CDH13: variants seen among roughly 807,000 people sequenced by gnomAD.
CDH13 encodes the protein cadherin 13, also known as cadherin-13.
Under a neutral mutation model 63.8 loss-of-function variants are expected in CDH13, and 24 were observed. That is an observed-to-expected ratio of 0.38 (90% CI 0.27 to 0.53). The LOEUF (loss-of-function observed/expected upper bound fraction) is 0.53, where lower values mean the gene tolerates loss of function less well. Ranked by LOEUF, CDH13 falls within the 20% of genes least tolerant of loss-of-function variation. The probability of loss-of-function intolerance (pLI) is 0.85; values close to 1 mark genes in which losing one functional copy is unlikely to be tolerated. For missense variants in CDH13, 1,049 were observed against 903.1 expected (o/e 1.16, Z -2.07); for synonymous variants, 503 against 355.3 (o/e 1.42, Z -4.67).
chr16:82,807,514 A>G (rs1320405348), intron 1 of CDH13, among the ~76,000 whole-genome samples: 1 of 152,114 alleles, frequency 6.6e-6, no homozygotes, highest in East Asian at 1.9e-4. Flanking sequence ...GTGGGAGAGA[A>G]CTTTACAAAA....
intron 3 of CDH13, among the ~76,000 whole-genome samples, chr16:83,060,819 A>T (rs962671580): frequency 3.3e-5 from 5 of 152,200 alleles, no homozygotes; most frequent in African/African-American, 9.6e-5. Flanking sequence ...CCTTGCTTTC[A>T]GCTGGGACAC....
chr16:83,169,206 C>T (rs1426687684), intron 4 of CDH13, among the ~76,000 whole-genome samples: 1 of 151,426 alleles, frequency 6.6e-6, no homozygotes, highest in Non-Finnish European at 1.5e-5. Context: ...GAGACGGCAT[C>T]TCACTTTGTC....
intron 4 of CDH13, among the ~76,000 whole-genome samples, chr16:83,216,655 ATT>A (rs1567514392): frequency 6.9e-6 from 1 of 145,066 alleles, no homozygotes; most frequent in African/African-American, 2.5e-5. Flanking sequence ...TATATATCAT[ATT>A]TAGGGGTTTC....
chr16:83,228,999 A>G lies in CDH13; in HGVS notation c.636+11502A>G, dbSNP rs146758638. ...TAGTGAATGGGATTAGTCCAAACTCATAGTGAAGATATTAAATATACCTTG... is the reference window on the plus strand; with the variant it reads ...TAGTGAATGGGATTAGTCCAAACTCGTAGTGAAGATATTAAATATACCTTG... On this transcript the variant is annotated intron_variant, in intron 5 of 13. Transcript: ENST00000567109. Among the ~76,000 whole-genome samples the G allele has an allele frequency of 1.7e-3, 259 of 152,244 alleles. 2 individuals are homozygous for G. The highest frequency in any genetic ancestry group is 6.1e-3 in the African/African-American group (252 of 41,536).
At chr16:82,827,079 C>T (rs987215816) in intron 1 of CDH13, among the ~76,000 whole-genome samples, 1 of 152,180 alleles carries the variant, frequency 6.6e-6, no homozygotes, top group Non-Finnish European at 1.5e-5. Flanking sequence ...ACACATTTGG[C>T]CCATATCTTA....
At chr16:83,576,476 A>G (rs1034204352) in intron 7 of CDH13, among the ~76,000 whole-genome samples, 3 of 152,190 alleles carry the variant, frequency 2.0e-5, no homozygotes, top group Non-Finnish European at 2.9e-5. Flanking sequence ...GTGTGCATAC[A>G]TGTATTTCTT....
intron 3 of CDH13, among the ~76,000 whole-genome samples, chr16:83,090,573 C>CAAA (rs372312398): frequency 0.037 from 4,810 of 129,784 alleles, 244 homozygotes; most frequent in African/African-American, 0.11. Context: ...AACTGCATCT[C>CAAA]AAAAAAAAAA....
chr16:82,872,214 GT>G (rs1214161619), intron 2 of CDH13, among the ~76,000 whole-genome samples: 2 of 152,214 alleles, frequency 1.3e-5, no homozygotes, highest in African/African-American at 4.8e-5. Flanking sequence ...AAATGGAAAT[GT>G]TTTTTAGGTG....
At chr16:83,059,489 C>A (rs550466793) in intron 3 of CDH13, among the ~76,000 whole-genome samples, 4 of 152,108 alleles carry the variant, frequency 2.6e-5, no homozygotes, top group Non-Finnish European at 5.9e-5. Context: ...GAGGTGACTG[C>A]AAGGATGTAA....
At chr16:82,715,380 C>A (rs1454845069) in intron 1 of CDH13, among the ~76,000 whole-genome samples, 1 of 152,040 alleles carries the variant, frequency 6.6e-6, no homozygotes, top group Non-Finnish European at 1.5e-5. Context: ...CAAAGGCGGC[C>A]CCGCCCCATG....
intron 8 of CDH13, among the ~76,000 whole-genome samples, chr16:83,621,560 C>T (rs1909820325): frequency 1.5e-5 from 2 of 130,860 alleles, no homozygotes; most frequent in Non-Finnish European, 3.1e-5. Context: ...GATCTCGGCT[C>T]ACCGCAAACT....
chr16:83,374,817 A>G (rs942102930), intron 6 of CDH13, among the ~76,000 whole-genome samples: 1 of 152,154 alleles, frequency 6.6e-6, no homozygotes, highest in African/African-American at 2.4e-5. Context: ...GACTCCAACC[A>G]CTGGTATGAA....
At chr16:83,676,678 A>G (rs577467098) in intron 9 of CDH13, among the ~76,000 whole-genome samples, 28 of 152,338 alleles carry the variant, frequency 1.8e-4, no homozygotes, top group South Asian at 4.1e-4. Flanking sequence ...AAATCCTATT[A>G]CTGACCCTGC....
At chr16:83,436,151 T>C (rs906815978) in intron 6 of CDH13, among the ~76,000 whole-genome samples, 3 of 152,184 alleles carry the variant, frequency 2.0e-5, no homozygotes, top group African/African-American at 7.2e-5. Flanking sequence ...AAGGTGGAGA[T>C]GCCCTGCTCT....
chr16:83,090,470 A>G (rs1285503819), intron 3 of CDH13, among the ~76,000 whole-genome samples: 1 of 151,196 alleles, frequency 6.6e-6, no homozygotes, highest in Admixed American at 6.6e-5. Context: ...GCCACTTGGG[A>G]GGCTGAGGCG....
intron 4 of CDH13, among the ~76,000 whole-genome samples, chr16:83,215,322 G>A (rs545918670): frequency 1.3e-5 from 2 of 151,556 alleles, no homozygotes; most frequent in Admixed American, 6.6e-5. Flanking sequence ...CAAGTGATCC[G>A]CCCACCTTGG....
intron 1 of CDH13, among the ~76,000 whole-genome samples, chr16:82,684,839 C>G (rs1172977571): frequency 6.6e-6 from 1 of 152,210 alleles, no homozygotes; most frequent in East Asian, 1.9e-4. Context: ...TTCTTAAGGC[C>G]ACAGCCTCCT....
intron 7 of CDH13, among the ~76,000 whole-genome samples, chr16:83,555,104 C>G (rs2075577405): frequency 6.6e-6 from 1 of 152,234 alleles, no homozygotes; most frequent in Admixed American, 6.5e-5. Context: ...ATGTTGTATA[C>G]AGAGAGAGCG....
chr16:83,000,650 C>T (rs1444329936), intron 2 of CDH13, among the ~76,000 whole-genome samples: 2 of 145,050 alleles, frequency 1.4e-5, no homozygotes, highest in African/African-American at 2.6e-5. Context: ...AGTGCAGTGG[C>T]GCAACTGCAA....
Sources: allele counts gnomAD v4.1 joint callset (sites outside exome capture counted in the v4.1 genomes callset), GRCh38; gene constraint gnomAD v4.1.1; transcripts MANE v1.5; gene names NCBI Gene and HGNC (gene_info 2026-07-23, HGNC 2026-07-21).